Variants in TIMP3 observed in about 807,000 individuals in gnomAD.
TIMP3 encodes TIMP metallopeptidase inhibitor 3, also known as metalloproteinase inhibitor 3.
In TIMP3, 11 loss-of-function variants were observed where a neutral mutation model predicts 30.0. That is an observed-to-expected ratio of 0.37 (90% CI 0.23 to 0.61). The LOEUF (loss-of-function observed/expected upper bound fraction) is 0.61, where lower values mean the gene tolerates loss of function less well. Ranked by LOEUF, TIMP3 falls within the 20% of genes least tolerant of loss-of-function variation. The pLI, the probability that TIMP3 is intolerant of heterozygous loss-of-function variation, is 0.70. For synonymous variants in TIMP3, 112 were observed against 111.3 expected, an observed-to-expected ratio of 1.01 and a Z score of -0.04; for missense variants, 181 against 276.8, an observed-to-expected ratio of 0.65 and a Z score of 2.45.
intron 1 of TIMP3, among the ~76,000 whole-genome samples, chr22:32,804,304 G>A (rs1305688315): frequency 6.6e-6 from 1 of 152,128 alleles, no homozygotes; most frequent in Non-Finnish European, 1.5e-5. Flanking sequence ...CCCTCGCCTT[G>A]CACAGCACCC....
chr22:32,831,339 G>A (rs1048681047), intron 1 of TIMP3, among the ~76,000 whole-genome samples: 1 of 152,200 alleles, frequency 6.6e-6, no homozygotes, highest in Non-Finnish European at 1.5e-5. Context: ...CAGAGAAGAG[G>A]TGAATTGTTT....
In TIMP3 at chr22:32,859,331, G is replaced by C; in HGVS notation, c.590G>C (p.Gly197Ala). 6.2e-7 allele frequency: 1 copy of C among 1,613,724 alleles called. No individual in the cohort carries two copies. Among genetic ancestry groups the C allele is most frequent in the Non-Finnish European group, 8.5e-7 (1 of 1,180,042 alleles). ...QKGGYCSWYR[G>A]WAPPDKSIIN... The stretch of plus-strand genomic sequence containing the variant: ...GGCGGCTACTGCAGCTGGTACCGAG[G>C]ATGGGCCCCCCCGGATAAAAGCATC... The change falls in exon 5 of 5, where the codon GGA becomes GCA. Residue 197 changes from glycine (G) to alanine (A), a missense_variant. This residue lies in a region of TIMP3 where 47 missense variants were observed against 63.8 expected (regional missense o/e 0.74). Coordinates refer to ENST00000266085, the MANE Select transcript of TIMP3 (RefSeq NM_000362.5).
intron 1 of TIMP3, among the ~76,000 whole-genome samples, chr22:32,807,377 T>TA (rs1160372893): frequency 9.2e-6 from 1 of 108,752 alleles, no homozygotes; most frequent in Non-Finnish European, 1.7e-5. Flanking sequence ...ATATTATATA[T>TA]AATATATATT....
At chr22:32,854,924 C>A (rs2048323928) in intron 2 of TIMP3, among the ~76,000 whole-genome samples, 1 of 152,150 alleles carries the variant, frequency 6.6e-6, no homozygotes, top group South Asian at 2.1e-4. Flanking sequence ...TCTTGTGGAC[C>A]ACCTACCCCC....
chr22:32,806,817 G>A (rs2046753998), intron 1 of TIMP3, among the ~76,000 whole-genome samples: 2 of 152,018 alleles, frequency 1.3e-5, no homozygotes, highest in South Asian at 4.2e-4. Flanking sequence ...TCTAAAATCG[G>A]AGAAGAGTAA....
At chr22:32,823,315 A>T (rs1339172641) in intron 1 of TIMP3, among the ~76,000 whole-genome samples, 1 of 152,184 alleles carries the variant, frequency 6.6e-6, no homozygotes, top group African/African-American at 2.4e-5. Context: ...AGGTCCCTGC[A>T]GGAGATGGGA....
In TIMP3 at chr22:32,815,068, C is replaced by A. The variant is rs73158320; in HGVS notation, c.121+12946C>A. On this transcript the variant is annotated intron_variant, in intron 1 of 4. Transcript: ENST00000266085. The stretch of plus-strand genomic sequence containing the variant: ...AGCATATCTCAGTTTGGACTAGTTG[C>A]GTTTCAGCTACCTGTGGTTAGTGGC... Among the ~76,000 whole-genome samples, 539 of 152,302 alleles carry A rather than the reference C, an allele frequency of 3.5e-3. 4 individuals are homozygous for A. Among genetic ancestry groups the A allele is most frequent in the South Asian group, 5.2e-3 (25 of 4,822 alleles).
chr22:32,808,735 T>C (rs966982459), intron 1 of TIMP3, among the ~76,000 whole-genome samples: 15 of 152,204 alleles, frequency 9.9e-5, no homozygotes, highest in African/African-American at 3.6e-4. Context: ...TGATCACTCC[T>C]TGGCATTGGT....
intron 1 of TIMP3, among the ~76,000 whole-genome samples, chr22:32,807,370 T>A (rs1263699417): frequency 5.2e-5 from 6 of 114,678 alleles, no homozygotes; most frequent in Non-Finnish European, 8.3e-5. Flanking sequence ...ATAATATATA[T>A]TATATATAAT....
chr22:32,851,114 G>C (rs982235445), intron 2 of TIMP3, among the ~76,000 whole-genome samples: 1 of 152,186 alleles, frequency 6.6e-6, no homozygotes, highest in African/African-American at 2.4e-5. Flanking sequence ...AATGGGCAGG[G>C]GTGGGGAACC....
At chr22:32,854,710 G>A (rs1054121663) in intron 2 of TIMP3, among the ~76,000 whole-genome samples, 2 of 152,110 alleles carry the variant, frequency 1.3e-5, no homozygotes, top group African/African-American at 2.4e-5. Context: ...CCCACCCCGC[G>A]CCCCCACCGC....
At chr22:32,832,291 AC>A (rs34693602) in intron 1 of TIMP3, among the ~76,000 whole-genome samples, 9,554 of 152,298 alleles carry the variant, frequency 0.063, 333 homozygotes, top group Middle Eastern at 0.12. Flanking sequence ...AGAAAGTGGA[AC>A]CCAGGGGAAA....
Position 32,861,856 on chromosome 22 carries a change from T to C in TIMP3, c.*2479T>C, listed in dbSNP as rs1018888649. 6.5e-6 allele frequency: 1 copy of C among 152,690 alleles called. No individual in the cohort carries two copies. The highest frequency in any genetic ancestry group is 2.4e-5 in the African/African-American group (1 of 41,476). 9.5% of individuals were successfully genotyped at this position (152,690 alleles called of 1,614,324 possible). A position where few individuals can be genotyped will look rare whatever the true frequency, so the allele number is the denominator to read the frequency against. Reference sequence around the variant, plus strand: ...ACACTTCTGTATTTCAATCATATCATGAACATTTTATTTTGCTAAATCTTG... The same window carrying C: ...ACACTTCTGTATTTCAATCATATCACGAACATTTTATTTTGCTAAATCTTG... On this transcript the variant is annotated 3_prime_UTR_variant, in exon 5 of 5. Coordinates refer to ENST00000266085, the MANE Select transcript of TIMP3 (RefSeq NM_000362.5).
In TIMP3 at chr22:32,837,710, C is replaced by G. The variant is rs2047775614; in HGVS notation, c.122-11742C>G. Among the ~76,000 whole-genome samples the G allele has an allele frequency of 6.6e-6, 1 of 152,088 alleles. No homozygotes were observed. The highest frequency in any genetic ancestry group is 6.5e-5 in the Admixed American group (1 of 15,274). ...GACACCCATTTGGATACATGCAATC[C>G]TAAAGTCTATGGGCAGTGACAGAGT... On this transcript the variant is annotated intron_variant, in intron 1 of 4. Transcript: ENST00000266085. This position sits in a 1 kb window ranked among gnomAD's most constrained non-coding sequence, Gnocchi z 4.1.
intron 1 of TIMP3, among the ~76,000 whole-genome samples, chr22:32,812,930 C>T (rs1043239013): frequency 3.5e-4 from 54 of 152,164 alleles, no homozygotes; most frequent in Admixed American, 2.0e-4. Flanking sequence ...TCTCAGAATC[C>T]AGGTTGGTCT....
chr22:32,813,486 T>TACACACACAC (rs130277), intron 1 of TIMP3, among the ~76,000 whole-genome samples: 1 of 138,186 alleles, frequency 7.2e-6, no homozygotes, highest in African/African-American at 2.8e-5. Context: ...TCTGAAAAGA[T>TACACACACAC]ACACACACAC....
At chr22:32,814,313 G>GGA (rs2047015340) in intron 1 of TIMP3, among the ~76,000 whole-genome samples, 1 of 39,674 alleles carries the variant, frequency 2.5e-5, no homozygotes, top group African/African-American at 1.5e-4. Flanking sequence ...GAGAGAGAGA[G>GGA]AGACAGAAAG....
chr22:32,828,626 A>G (rs1231448933), intron 1 of TIMP3, among the ~76,000 whole-genome samples: 2 of 152,208 alleles, frequency 1.3e-5, no homozygotes, highest in Non-Finnish European at 2.9e-5. Flanking sequence ...AGGGACAGGA[A>G]GTGACCTGCC....
chr22:32,831,438 T>A (rs1012623620), intron 1 of TIMP3, among the ~76,000 whole-genome samples: 10 of 152,140 alleles, frequency 6.6e-5, no homozygotes, highest in African/African-American at 1.9e-4. Context: ...CAAAGCCAGA[T>A]GATCAGGGCA....
Sources: gnomAD v4.1 joint callset for allele counts (sites outside exome capture counted in the v4.1 genomes callset) on GRCh38, gnomAD v4.1.1 for gene constraint, gnomAD v4.1.1 regional missense constraint, Gnocchi (gnomAD v3.1) non-coding constraint, MANE v1.5 for transcripts, NCBI Gene and HGNC (gene_info 2026-07-23, HGNC 2026-07-21) for gene names.